POGZ: variants seen among roughly 807,000 people sequenced by gnomAD.
POGZ encodes the protein pogo transposable element with ZNF domain.
In POGZ, 17 loss-of-function variants were observed where a neutral mutation model predicts 134.6. The observed-to-expected ratio is 0.13, with a 90% CI of 0.09 to 0.19. The LOEUF (loss-of-function observed/expected upper bound fraction) is 0.19. Among genes scored for constraint, POGZ ranks in the 10% least tolerant of loss-of-function variants. The probability of loss-of-function intolerance (pLI) is 1.00; values close to 1 mark genes in which losing one functional copy is unlikely to be tolerated. For synonymous variants in POGZ, 693 were observed against 657.1 expected, an observed-to-expected ratio of 1.05 and a Z score of -0.84; for missense variants, 1,306 against 1,769.7, an observed-to-expected ratio of 0.74 and a Z score of 4.70.
chr1:151,414,178 G>C, intron 10 of POGZ, among the ~76,000 whole-genome samples: 1 of 152,200 alleles, frequency 6.6e-6, no homozygotes, highest in East Asian at 1.9e-4. Flanking sequence ...AGGACCAAGA[G>C]AAAAGCAGGA....
intron 12 of POGZ, among the ~76,000 whole-genome samples, chr1:151,410,477 T>G (rs2102180466): frequency 6.6e-6 from 1 of 152,326 alleles, no homozygotes; most frequent in East Asian, 1.9e-4. Context: ...TAAAACACTT[T>G]CTTCTCCCCA....
intron 1 of POGZ, among the ~76,000 whole-genome samples, chr1:151,454,493 G>A (rs1388117307): frequency 6.6e-6 from 1 of 152,156 alleles, no homozygotes; most frequent in Non-Finnish European, 1.5e-5. Flanking sequence ...GTTTTAAGTA[G>A]TCTTAATAAC....
intron 15 of POGZ, among the ~76,000 whole-genome samples, chr1:151,407,815 G>C (rs896205454): frequency 6.6e-6 from 1 of 151,972 alleles, no homozygotes; most frequent in African/African-American, 2.4e-5. Flanking sequence ...TTTGAGACCA[G>C]CCTGGCCAAC....
At chr1:151,413,217 C>T (rs185133202) in intron 10 of POGZ, among the ~76,000 whole-genome samples, 7 of 151,006 alleles carry the variant, frequency 4.6e-5, no homozygotes, top group African/African-American at 1.5e-4. Flanking sequence ...TGAGCTCAAG[C>T]GAGCCTCCTG....
At chr1:151,412,429 T>C in intron 10 of POGZ, 33 bp from the exon 11 acceptor site, 1 of 1,208,472 alleles carries the variant, frequency 8.3e-7, no homozygotes, top group Non-Finnish European at 1.2e-6. Flanking sequence ...TAAATCCACT[T>C]GAAAATAAGA....
rs760525837 is a variant in POGZ at position 151,428,304 on chromosome 1, G to A, written c.678C>T (p.Thr226=). 1.2e-5 allele frequency: 19 copies of A among 1,614,068 alleles called. No individual in the cohort carries two copies. The highest frequency in any genetic ancestry group is 3.3e-5 in the South Asian group (3 of 91,084). ...STMPVRPTTN[T]FTTVIPATLT... is the part of the protein sequence containing the mutation. ...GAGTGGCCGGGATGACGGTGGTGAA[G>A]GTGTTGGTGGTGGGCCTCACAGGCA... is the stretch of plus-strand genomic sequence containing the variant. Residue 226 remains threonine (T), a synonymous_variant, in exon 6 of 19, where the codon ACC becomes ACT. Coordinates refer to ENST00000271715, the MANE Select transcript of POGZ (RefSeq NM_015100.4).
At chr1:151,435,171 G>A (rs191005164) in intron 3 of POGZ, among the ~76,000 whole-genome samples, 168 of 152,274 alleles carry the variant, frequency 1.1e-3, no homozygotes, top group African/African-American at 3.9e-3. Context: ...AAAGTGCTAG[G>A]ATTATAGGCG....
At position 151,405,815 on chromosome 1, in the gene POGZ, G is replaced by A. The variant is rs754485838; in HGVS notation, c.3220C>T (p.Arg1074Cys). 3 of 1,614,144 alleles carry A rather than the reference G, an allele frequency of 1.9e-6. No individual in the cohort carries two copies. Among genetic ancestry groups the A allele is most frequent in the South Asian group, 2.2e-5 (2 of 91,082 alleles). The change falls in exon 19 of 19, where the codon CGT becomes TGT. Residue 1074 changes from arginine to cysteine, a missense_variant. By Grantham distance (180) the Arg-to-Cys change is radical. This residue lies in a region of POGZ where 24 missense variants were observed against 69.6 expected (regional missense o/e 0.34). Transcript: ENST00000271715. The surrounding 1 kb of genome is among the most constrained non-coding windows in gnomAD (Gnocchi z 4.9). ...GFKISYEWAVRFMLRHHLTPH... is the reference protein window; with the variant it reads ...GFKISYEWAVCFMLRHHLTPH... ...GTCAGGTGGTGCCGCAGCATGAAACGCACAGCCCACTCATAGGAGATCTTA... is the reference window on the plus strand; with the variant it reads ...GTCAGGTGGTGCCGCAGCATGAAACACACAGCCCACTCATAGGAGATCTTA...
rs1229252482 is a variant in POGZ, at chr1:151,431,004, C to T, written c.284-163G>A. On this transcript the variant is annotated intron_variant, in intron 3 of 18. Transcript: ENST00000271715. Reference sequence around the variant, plus strand: ...AGGCTGGAGCACAGTGGCACAGTCACGGCTCACTGCAGCCTCAAGTTCCTG... The same window carrying T: ...AGGCTGGAGCACAGTGGCACAGTCATGGCTCACTGCAGCCTCAAGTTCCTG... 7.2e-5 allele frequency among the ~76,000 whole-genome samples: 11 copies of T among 151,982 alleles called. 1 individual carries two copies. The highest frequency in any genetic ancestry group is 4.6e-4 in the Admixed American group (7 of 15,240).
intron 15 of POGZ, 39 bp from the exon 16 acceptor site, chr1:151,407,330 T>C: frequency 3.4e-6 from 5 of 1,454,328 alleles, no homozygotes; most frequent in Non-Finnish European, 4.8e-6. Context: ...TACGGAGTTC[T>C]GCTGGCTAAG....
At chr1:151,406,776 A>C in intron 17 of POGZ, 135 bp downstream of exon 17, 1 of 966,770 alleles carries the variant, frequency 1.0e-6, no homozygotes, top group Non-Finnish European at 1.6e-6. Flanking sequence ...TTCAGGTCGG[A>C]AGGTTTCTAA....
In POGZ at chr1:151,428,218, G is replaced by C; in HGVS notation, c.764C>G (p.Thr255Ser). Residue 255 changes from threonine (T) to serine (S), a missense_variant, in exon 6 of 19, where the codon ACT becomes AGT. Around this residue, in one of 10 missense-constraint regions of POGZ, gnomAD observed 541 missense variants for 680.5 expected, o/e 0.80. Coordinates refer to ENST00000271715, the MANE Select transcript of POGZ (RefSeq NM_015100.4). ...QSQQTKSTPS[T>S]STTPTATQPT... The stretch of plus-strand genomic sequence containing the variant: ...CTGTGTGGCAGTGGGAGTGGTAGAA[G>C]TGCTGGGAGTGGACTTGGTCTGCTG... 2 of 1,614,148 alleles carry C rather than the reference G, an allele frequency of 1.2e-6. No homozygotes were observed. The highest frequency in any genetic ancestry group is 1.7e-6 in the Non-Finnish European group (2 of 1,179,980).
intron 2 of POGZ, 62 bp downstream of exon 2, chr1:151,442,018 TA>T (rs1362131623): frequency 7.1e-6 from 9 of 1,273,880 alleles, no homozygotes; most frequent in Non-Finnish European, 8.9e-6. Context: ...CACACTTTGT[TA>T]ACCAAAATAC....
rs1316270027 is a variant in POGZ, at chr1:151,402,800, C to T, written c.*2002G>A. The T allele has an allele frequency of 6.6e-6, 1 of 152,438 alleles. No individual in the cohort carries two copies. The highest frequency in any genetic ancestry group is 2.4e-5 in the African/African-American group (1 of 41,442). 9.4% of individuals were successfully genotyped at this position (152,438 alleles called of 1,614,324 possible). A position where few individuals can be genotyped will look rare whatever the true frequency, so the allele number is the denominator to read the frequency against. On this transcript the variant is annotated 3_prime_UTR_variant, in exon 19 of 19. Coordinates refer to ENST00000271715, the MANE Select transcript of POGZ (RefSeq NM_015100.4). ...ACCAAAAAAAAATTTCCTTCTACTA[C>T]TAAGCCATGCAGGCAGAGTCCACAA...
intron 3 of POGZ, among the ~76,000 whole-genome samples, chr1:151,435,958 C>CT (rs58367755): frequency 0.66 from 88,622 of 134,744 alleles, 31,633 homozygotes; most frequent in Non-Finnish European, 0.82. Context: ...ATTTTCTTTT[C>CT]TTTTTTTTTT....
At position 151,459,195 on chromosome 1, in the gene POGZ, C is replaced by G. The variant is rs902754241; in HGVS notation, c.-45G>C. On this transcript the variant is annotated 5_prime_UTR_variant, in exon 1 of 19. Transcript: ENST00000271715. Reference sequence around the variant, plus strand: ...CCGGTAGTCTGACCCGAGGAAGGCGCCGTCGCCTTAAAGGGACCTTACACC... The same window carrying G: ...CCGGTAGTCTGACCCGAGGAAGGCGGCGTCGCCTTAAAGGGACCTTACACC... The G allele has an allele frequency of 1.3e-5, 2 of 151,646 alleles. No homozygotes were observed. Among genetic ancestry groups the G allele is most frequent in the Non-Finnish European group, 3.0e-5 (2 of 67,784 alleles). 9.4% of individuals were successfully genotyped at this position (151,646 alleles called of 1,614,324 possible). A position where few individuals can be genotyped will look rare whatever the true frequency, so the allele number is the denominator to read the frequency against.
chr1:151,403,926 C>A lies in POGZ; in HGVS notation c.*876G>T, dbSNP rs1653135187. 7.1e-6 allele frequency: 7 copies of A among 985,432 alleles called. No individual in the cohort carries two copies. Among genetic ancestry groups the A allele is most frequent in the Non-Finnish European group, 8.4e-6 (7 of 829,910 alleles). 61.0% of individuals were successfully genotyped at this position (985,432 alleles called of 1,614,324 possible). On this transcript the variant is annotated 3_prime_UTR_variant, in exon 19 of 19. Transcript: ENST00000271715. Reference sequence around the variant, plus strand: ...CTTCCACCCTAAAACTGTTTGATCGCTTCAGTATCTCTTGCTTGCTAATAA... The same window carrying A: ...CTTCCACCCTAAAACTGTTTGATCGATTCAGTATCTCTTGCTTGCTAATAA...
intron 9 of POGZ, 62 bp from the exon 10 acceptor site, chr1:151,423,613 A>G: frequency 1.5e-6 from 2 of 1,331,458 alleles, no homozygotes; most frequent in South Asian, 2.5e-5. Context: ...TTTTAGAAAT[A>G]TAATGGTAAA....
In POGZ at chr1:151,404,932, G is replaced by C; in HGVS notation, c.4103C>G (p.Thr1368Ser). The change falls in exon 19 of 19, where the codon ACT becomes AGT. Residue 1368 changes from threonine to serine, a missense_variant. Thr to Ser is a moderately conservative substitution (Grantham distance 58). Around this residue, in one of 10 missense-constraint regions of POGZ, gnomAD observed 107 missense variants for 97.9 expected, o/e 1.09. Transcript: ENST00000271715. ...TTCAGGAGATGATCTGGGTCGTGGA[G>C]TGGAAGACTCAGAATGTTCCCCACT... ...KLSGEHSESS[T>S]PRPRSSPEET... is the part of the protein sequence containing the mutation. 1.2e-6 allele frequency: 2 copies of C among 1,614,220 alleles called. No individual in the cohort carries two copies. The highest frequency in any genetic ancestry group is 8.5e-7 in the Non-Finnish European group (1 of 1,180,046).
Sources: gnomAD v4.1 joint callset for allele counts (sites outside exome capture counted in the v4.1 genomes callset) on GRCh38, gnomAD v4.1.1 for gene constraint, gnomAD v4.1.1 regional missense constraint, Gnocchi (gnomAD v3.1) non-coding constraint, MANE v1.5 for transcripts, NCBI Gene and HGNC (gene_info 2026-07-23, HGNC 2026-07-21) for gene names.